The following ASIP variants were observed in gnomAD, a reference collection of about 807,000 sequenced individuals.
ASIP encodes the protein agouti signaling protein, also known as agouti-signaling protein.
A neutral mutation model predicts 10.3 loss-of-function variants in ASIP; 11 were observed. The ratio of observed to expected loss-of-function variants is 1.07; its 90% CI spans 0.68 to 1.78. The LOEUF is 1.78. Ranked by LOEUF, ASIP falls within the 40% of genes most tolerant of loss-of-function variation. The probability of loss-of-function intolerance (pLI) is 0.00; values close to 1 mark genes in which losing one functional copy is unlikely to be tolerated. For synonymous variants in ASIP, 70 were observed against 70.8 expected, an observed-to-expected ratio of 0.99 and a Z score of 0.06; for missense variants, 180 against 169.2, an observed-to-expected ratio of 1.06 and a Z score of -0.35.
intron 1 of ASIP, among the ~76,000 whole-genome samples, chr20:34,253,231 G>A (rs555711926): frequency 1.3e-5 from 2 of 149,746 alleles, no homozygotes; most frequent in Non-Finnish European, 3.0e-5. Flanking sequence ...TCAGCCTCCC[G>A]AGTAGCTGGG....
upstream of ASIP, among the ~76,000 whole-genome samples, chr20:34,193,775 G>A (rs189079285): frequency 1.2e-3 from 186 of 152,290 alleles, no homozygotes; most frequent in African/African-American, 3.7e-3. Context: ...AACTATGGCC[G>A]TGCAAATCAG....
At chr20:34,246,185 A>G in intron 1 of ASIP, 2 of 1,189,304 alleles carry the variant, frequency 1.7e-6, no homozygotes, top group East Asian at 2.4e-5. Context: ...TGCTCTAGGA[A>G]TTTTGGCCTT....
At chr20:34,204,054 G>C (rs2034918662) in intron 1 of ASIP, among the ~76,000 whole-genome samples, 1 of 152,142 alleles carries the variant, frequency 6.6e-6, no homozygotes, top group African/African-American at 2.4e-5. Context: ...TTCATTTTTA[G>C]TTGTTTGATG....
chr20:34,195,455 C>G (rs1366657020), intron 1 of ASIP, among the ~76,000 whole-genome samples: 1 of 152,172 alleles, frequency 6.6e-6, no homozygotes, highest in East Asian at 1.9e-4. Flanking sequence ...TCTCCTCAAG[C>G]CACAGGGATC....
intron 1 of ASIP, among the ~76,000 whole-genome samples, chr20:34,217,079 G>T (rs528734394): frequency 6.6e-6 from 1 of 152,232 alleles, no homozygotes; most frequent in African/African-American, 2.4e-5. Flanking sequence ...TTTAATCCTT[G>T]TGAGAGCTGA....
At chr20:34,261,695 G>T (rs888670635) in intron 2 of ASIP, among the ~76,000 whole-genome samples, 1 of 152,110 alleles carries the variant, frequency 6.6e-6, no homozygotes, top group African/African-American at 2.4e-5. Flanking sequence ...CCAGCTATTT[G>T]GGAGGCTGAG....
intron 1 of ASIP, among the ~76,000 whole-genome samples, chr20:34,207,119 A>G (rs2034942374): frequency 1.3e-5 from 2 of 152,208 alleles, no homozygotes; most frequent in Admixed American, 1.3e-4. Context: ...TATTCCCGTT[A>G]ACAGAATACA....
intron 1 of ASIP, among the ~76,000 whole-genome samples, chr20:34,212,828 G>C (rs999011543): frequency 2.6e-5 from 4 of 152,168 alleles, no homozygotes; most frequent in African/African-American, 9.7e-5. Context: ...TAAGCAATCT[G>C]TAGGGGAAAT....
intron 1 of ASIP, among the ~76,000 whole-genome samples, chr20:34,203,074 C>T (rs1047966000): frequency 6.6e-6 from 1 of 152,022 alleles, no homozygotes. Context: ...TCCCAAAGTG[C>T]TGGGATTACA....
chr20:34,230,751 C>T (rs1344298260), intron 1 of ASIP, among the ~76,000 whole-genome samples: 1 of 44,426 alleles, frequency 2.3e-5, no homozygotes, highest in Non-Finnish European at 3.9e-5. Flanking sequence ...CCGGATGGGG[C>T]GGCTGGCCTG....
intron 3 of ASIP, among the ~76,000 whole-genome samples, chr20:34,267,739 C>G (rs7260991): frequency 1.2e-3 from 180 of 151,922 alleles, no homozygotes; most frequent in African/African-American, 4.2e-3. Flanking sequence ...CCATGTCGGT[C>G]GGGCTGGTCC....
intron 1 of ASIP, among the ~76,000 whole-genome samples, chr20:34,259,470 G>A (rs1206918581): frequency 6.6e-6 from 1 of 152,092 alleles, no homozygotes; most frequent in Non-Finnish European, 1.5e-5. Flanking sequence ...CCAAGATCGT[G>A]CCACTGCACT....
chr20:34,225,720 A>G (rs995967528), intron 1 of ASIP, among the ~76,000 whole-genome samples: 36 of 152,020 alleles, frequency 2.4e-4, no homozygotes, highest in Admixed American at 1.5e-3. Context: ...TAGAGTTTAT[A>G]GCTTTTTTTG....
chr20:34,216,714 T>C (rs192608555), intron 1 of ASIP, among the ~76,000 whole-genome samples: 49 of 152,368 alleles, frequency 3.2e-4, no homozygotes, highest in Middle Eastern at 6.8e-3. Flanking sequence ...GATGCCTTGG[T>C]TGATAATCAG....
At chr20:34,205,574 C>G (rs1202497474) in intron 1 of ASIP, among the ~76,000 whole-genome samples, 1 of 146,770 alleles carries the variant, frequency 6.8e-6, no homozygotes, top group African/African-American at 2.7e-5. Context: ...GGGACCCAAA[C>G]GGGTTGCTGC....
chr20:34,196,148 G>C (rs185429346), intron 1 of ASIP, among the ~76,000 whole-genome samples: 30 of 145,330 alleles, frequency 2.1e-4, no homozygotes, highest in African/African-American at 7.1e-4. Context: ...ACCAGAGCCA[G>C]AACTCTCATT....
At chr20:34,220,007 A>G (rs1328793254) in intron 1 of ASIP, among the ~76,000 whole-genome samples, 2 of 151,784 alleles carry the variant, frequency 1.3e-5, no homozygotes, top group African/African-American at 2.4e-5. Context: ...GGAGAATGGC[A>G]TGAACCCGGG....
chr20:34,215,375 C>G (rs2035000665), intron 1 of ASIP: 8 of 1,573,498 alleles, frequency 5.1e-6, no homozygotes, highest in Non-Finnish European at 7.0e-6. Context: ...CTCATGGTAT[C>G]TTTTATGAGA....
intron 3 of ASIP, among the ~76,000 whole-genome samples, chr20:34,265,096 G>A (rs2035761928): frequency 6.6e-6 from 1 of 152,036 alleles, no homozygotes; most frequent in Admixed American, 6.6e-5. Flanking sequence ...TGCCCAGCCA[G>A]TTTACTTGAT....
Sources: allele counts gnomAD v4.1 joint callset (sites outside exome capture counted in the v4.1 genomes callset), GRCh38; gene constraint gnomAD v4.1.1; transcripts MANE v1.5; gene names NCBI Gene and HGNC (gene_info 2026-07-23, HGNC 2026-07-21).